The following COQ6 variants were observed in gnomAD, a reference collection of about 807,000 sequenced individuals.
The protein encoded by COQ6 is coenzyme Q6, monooxygenase, also known as ubiquinone biosynthesis monooxygenase COQ6, mitochondrial.
COQ6 carries 45 observed loss-of-function variants against 55.5 expected under a neutral mutation model. The ratio of observed to expected loss-of-function variants is 0.81; its 90% CI spans 0.64 to 1.04. COQ6 has a LOEUF of 1.04. COQ6 is among the 50% of genes least tolerant of loss of function. COQ6 has a pLI of 0.00. For missense variants in COQ6, 550 were observed against 601.3 expected, an observed-to-expected ratio of 0.91 and a Z score of 0.89; for synonymous variants, 206 against 230.5, an observed-to-expected ratio of 0.89 and a Z score of 0.96.
chr14:73,959,655 C>T lies in COQ6; in HGVS notation c.891+133C>T, dbSNP rs570455142. On this transcript the variant is annotated intron_variant, in intron 8 of 11. Transcript: ENST00000334571. ...CGATCTTGGCTCACTGTGCAATCTC[C>T]GCCTCCCGGGTTCAAGCGATTCTCC... The T allele has an allele frequency of 2.6e-4, 393 of 1,502,326 alleles. 1 individual carries two copies. The African/African-American group carries it at 4.6e-3, about 18-fold the overall frequency. The allele number at this position is 1,502,326 out of a possible 1,614,324, so 93.1% of individuals were successfully genotyped here. A position where few individuals can be genotyped will look rare whatever the true frequency, so the allele number is the denominator to read the frequency against.
intron 4 of COQ6, 186 bp from the exon 5 acceptor site, chr14:73,957,957 TGACA>T: frequency 6.8e-6 from 4 of 586,090 alleles, no homozygotes; most frequent in South Asian, 5.6e-5. Flanking sequence ...TGTCTTTTTT[TGACA>T]TTGAGTTATC....
intron 11 of COQ6, 95 bp downstream of exon 11, chr14:73,961,998 A>AGTGCAGTG: frequency 7.0e-7 from 1 of 1,424,080 alleles, no homozygotes; most frequent in Non-Finnish European, 9.8e-7. Context: ...CCCAGGATGG[A>AGTGCAGTG]GTGCAGTGGC....
intron 1 of COQ6, 73 bp from the exon 2 acceptor site, chr14:73,953,362 C>G (rs2056273494): frequency 9.3e-6 from 12 of 1,294,234 alleles, no homozygotes; most frequent in Non-Finnish European, 1.3e-5. Flanking sequence ...AGTGGTTACT[C>G]TGTTGTTTCT....
At chr14:73,962,014 TTC>T (rs2056760679) in intron 11 of COQ6, 111 bp downstream of exon 11, 2 of 1,230,192 alleles carry the variant, frequency 1.6e-6, no homozygotes, top group Admixed American at 3.6e-5. Context: ...GTGGCACAAT[TTC>T]CACTCACTGC....
chr14:73,963,127 T>C lies in COQ6; in HGVS notation c.*128T>C. 1.2e-6 allele frequency: 1 copy of C among 856,124 alleles called. No individual in the cohort carries two copies. 53.0% of individuals were successfully genotyped at this position (856,124 alleles called of 1,614,324 possible). ...TTACATTAAAATTCTCTTTTTCTTC[T>C]TTGCTTAATGGGCCTGTGGCACCCA... On this transcript the variant is annotated 3_prime_UTR_variant, in exon 12 of 12. Transcript: ENST00000334571.
chr14:73,959,445 T>G lies in COQ6; in HGVS notation c.814T>G (p.Ser272Ala). The G allele has an allele frequency of 1.2e-6, 2 of 1,614,198 alleles. No homozygotes were observed. The highest frequency in any genetic ancestry group is 1.7e-6 in the Non-Finnish European group (2 of 1,180,032). ...AGACACCTTGAGTTCCTTGGTTTGG[T>G]CCACGTCCCATGAACATGCAGCAGA... ...LSDTLSSLVW[S>A]TSHEHAAELV... The change falls in exon 8 of 12, where the codon TCC becomes GCC. Residue 272 changes from serine to alanine, a missense_variant. Physicochemically the swap from Ser to Ala is moderately conservative, Grantham distance 99. Coordinates refer to ENST00000334571, the MANE Select transcript of COQ6 (RefSeq NM_182476.3).
In COQ6 at chr14:73,961,852, G is replaced by A. The variant is rs2056752149; in HGVS notation, c.1326G>A (p.Val442=). ...RLYSTSASPL[V]LLRTWGLQAT... is the part of the protein sequence containing the mutation. ...ATTCTACCAGTGCCTCCCCGCTTGTGTTGCTCAGGACGTGGGGCTTGCAGG... is the reference window on the plus strand; with the variant it reads ...ATTCTACCAGTGCCTCCCCGCTTGTATTGCTCAGGACGTGGGGCTTGCAGG... The change falls in exon 11 of 12, where the codon GTG becomes GTA. Residue 442 remains valine (V), a synonymous_variant. Coordinates refer to ENST00000334571, the MANE Select transcript of COQ6 (RefSeq NM_182476.3). 1 of 1,614,072 alleles carries A rather than the reference G, an allele frequency of 6.2e-7. No homozygotes were observed. The highest frequency in any genetic ancestry group is 1.3e-5 in the African/African-American group (1 of 74,922).
At chr14:73,956,081 T>C (rs950560354) in intron 4 of COQ6, 153 bp downstream of exon 4, 32 of 1,084,936 alleles carry the variant, frequency 2.9e-5, no homozygotes, top group Non-Finnish European at 4.1e-5. Context: ...TCCCAGCACT[T>C]TTGGAGGCTA....
At position 73,961,804 on chromosome 14, in the gene COQ6, T is replaced by C. The variant is rs748670638; in HGVS notation, c.1278T>C (p.Ala426=). 6.8e-6 allele frequency: 11 copies of C among 1,614,218 alleles called. No homozygotes were observed. The highest frequency in any genetic ancestry group is 6.7e-5 in the Admixed American group (4 of 60,024). ...GTCACAACACTGCTCTTCTGGCTGC[T>C]ACAGACTTACTAAAAAGGCTCTATT... ...RQRHNTALLA[A]TDLLKRLYST... is the part of the protein sequence containing the mutation. The change falls in exon 11 of 12, where the codon GCT becomes GCC. Residue 426 remains alanine, a synonymous_variant. Transcript: ENST00000334571.
intron 8 of COQ6, chr14:73,960,457 T>C (rs1647237690): frequency 1.0e-6 from 1 of 990,926 alleles, no homozygotes; most frequent in Non-Finnish European, 1.2e-6. Context: ...AAGACTCCAC[T>C]GCTCTGTAGT....
chr14:73,953,598 C>G (rs1364803056), intron 2 of COQ6, 29 bp downstream of exon 2: 1 of 1,613,840 alleles, frequency 6.2e-7, no homozygotes, highest in East Asian at 2.2e-5. Flanking sequence ...TTCAAAGATC[C>G]AATCTCCTTT....
At position 73,958,277 on chromosome 14, in the gene COQ6, G is replaced by A; in HGVS notation, c.612G>A (p.Leu204=). Residue 204 remains leucine (L), a splice_region_variant and synonymous_variant, in exon 5 of 12, where the codon TTG becomes TTA. Coordinates refer to ENST00000334571, the MANE Select transcript of COQ6 (RefSeq NM_182476.3). ...GDGSTFQTKL[L]IGADGHNSGV... is the part of the protein sequence containing the mutation. ...GCAGCACCTTCCAGACCAAATTGTT[G>A]GTAGTTGAAGATTCTTATTTTGCTA... 2 of 1,613,862 alleles carry A rather than the reference G, an allele frequency of 1.2e-6. No individual in the cohort carries two copies. The highest frequency in any genetic ancestry group is 1.1e-5 in the South Asian group (1 of 91,070).
At position 73,959,460 on chromosome 14, in the gene COQ6, C is replaced by G. The variant is rs1269286634; in HGVS notation, c.829C>G (p.His277Asp). The G allele has an allele frequency of 6.2e-7, 1 of 1,614,222 alleles. No homozygotes were observed. The highest frequency in any genetic ancestry group is 1.7e-5 in the Admixed American group (1 of 60,024). ...SSLVWSTSHEHAAELVSMDEE... is the reference protein window; with the variant it reads ...SSLVWSTSHEDAAELVSMDEE... ...CTTGGTTTGGTCCACGTCCCATGAA[C>G]ATGCAGCAGAGCTAGTTAGCATGGA... The change falls in exon 8 of 12, where the codon CAT becomes GAT. Residue 277 changes from histidine (H) to aspartate (D), a missense_variant. Transcript: ENST00000334571.
chr14:73,951,227 C>A (rs1305749529), intron 1 of COQ6, among the ~76,000 whole-genome samples: 1 of 152,124 alleles, frequency 6.6e-6, no homozygotes, highest in Admixed American at 6.5e-5. Flanking sequence ...AACTTCTGGG[C>A]TCAAGCAATC....
intron 11 of COQ6, 22 bp from the exon 12 acceptor site, chr14:73,962,948 T>A: frequency 6.3e-7 from 1 of 1,583,836 alleles, no homozygotes; most frequent in Non-Finnish European, 8.7e-7. Flanking sequence ...AAGAGTTTCA[T>A]TCACTTTTAT....
chr14:73,961,028 G>C (rs1237372830), intron 8 of COQ6, 145 bp from the exon 9 acceptor site: 5 of 924,188 alleles, frequency 5.4e-6, no homozygotes, highest in Admixed American at 4.0e-5. Flanking sequence ...TTGCACTTGA[G>C]GGGCTTATCA....
At position 73,953,646 on chromosome 14, in the gene COQ6, C is replaced by G. The variant is rs144148507; in HGVS notation, c.298+77C>G. The G allele has an allele frequency of 3.2e-4, 501 of 1,572,500 alleles. 4 individuals are homozygous for G. The African/African-American group carries it at 6.0e-3, about 19-fold the overall frequency. On this transcript the variant is annotated intron_variant, in intron 2 of 11. Coordinates refer to ENST00000334571, the MANE Select transcript of COQ6 (RefSeq NM_182476.3). Reference sequence around the variant, plus strand: ...TCTAGTGTATCCCATGGGGCAGAGTCATCAGAGCATCTGACAAGGAGGGAG... The same window carrying G: ...TCTAGTGTATCCCATGGGGCAGAGTGATCAGAGCATCTGACAAGGAGGGAG...
upstream of COQ6, chr14:73,950,300 G>A: frequency 2.6e-6 from 4 of 1,543,172 alleles, no homozygotes; most frequent in South Asian, 4.7e-5. Context: ...TGGGCCTGCG[G>A]GAGTTCTGAG....
At chr14:73,950,103 A>G, upstream of COQ6, 1 of 1,603,490 alleles carries the variant, frequency 6.2e-7, no homozygotes, top group East Asian at 2.2e-5. Flanking sequence ...ATGCGGGGCC[A>G]GGGTCCACCC....
Sources: gnomAD v4.1 joint callset for allele counts (sites outside exome capture counted in the v4.1 genomes callset) on GRCh38, gnomAD v4.1.1 for gene constraint, MANE v1.5 for transcripts, NCBI Gene and HGNC (gene_info 2026-07-23, HGNC 2026-07-21) for gene names.